DMD: variants seen among roughly 807,000 people sequenced by gnomAD.
DMD encodes the protein mutant dystrophin.
DMD carries 63 observed loss-of-function variants against 330.1 expected under a neutral mutation model. The ratio of observed to expected loss-of-function variants is 0.19; its 90% CI spans 0.16 to 0.24. DMD has a LOEUF of 0.24. DMD is among the 10% of genes least tolerant of loss of function. The probability of loss-of-function intolerance (pLI) is 1.00; values close to 1 mark genes in which losing one functional copy is unlikely to be tolerated. For missense variants in DMD, 3,344 were observed against 2,684.1 expected, an observed-to-expected ratio of 1.25 and a Z score of -5.43; for synonymous variants, 1,223 against 959.8, an observed-to-expected ratio of 1.27 and a Z score of -5.07.
chrX:32,975,348 T>G (rs1187446160), intron 2 of DMD, among the ~76,000 whole-genome samples: 1 of 73,521 alleles, frequency 1.4e-5, no homozygotes, highest in Non-Finnish European at 2.2e-5. Flanking sequence ...AAAAAATGCT[T>G]TTTTTTTTTT....
intron 7 of DMD, among the ~76,000 whole-genome samples, chrX:32,791,657 C>G (rs1044092313): frequency 5.4e-5 from 6 of 111,832 alleles, no homozygotes; most frequent in African/African-American, 2.0e-4. Context: ...AACATGAAAA[C>G]AGGTCTTTTA....
intron 7 of DMD, among the ~76,000 whole-genome samples, chrX:32,754,100 A>T (rs747232329): frequency 3.6e-5 from 4 of 111,963 alleles, no homozygotes; most frequent in African/African-American, 1.3e-4. Flanking sequence ...AACCTGTGGT[A>T]GCTTACTAAT....
intron 2 of DMD, among the ~76,000 whole-genome samples, chrX:32,998,848 A>G (rs139148553): frequency 0.012 from 1,322 of 111,842 alleles, 25 homozygotes; most frequent in African/African-American, 0.041. Flanking sequence ...TTATTCTAAC[A>G]TTCATATTTC....
chrX:32,007,619 A>T (rs2095672240), intron 44 of DMD, among the ~76,000 whole-genome samples: 1 of 111,279 alleles, frequency 9.0e-6, no homozygotes. Flanking sequence ...GGATGCTAAA[A>T]GCTGGTAGGC....
intron 1 of DMD, among the ~76,000 whole-genome samples, chrX:33,060,169 AG>A (rs1204339646): frequency 9.0e-6 from 1 of 111,340 alleles, no homozygotes; most frequent in Non-Finnish European, 1.9e-5. Flanking sequence ...ATTTGAATAC[AG>A]CACAGGCAAA....
At chrX:32,558,803 TAC>T (rs1164201613) in intron 16 of DMD, among the ~76,000 whole-genome samples, 1 of 111,305 alleles carries the variant, frequency 9.0e-6, no homozygotes, top group Non-Finnish European at 1.9e-5. Flanking sequence ...TTTATATTGT[TAC>T]AGACAATGCA....
At chrX:31,270,460 G>A (rs774079162) in intron 62 of DMD, among the ~76,000 whole-genome samples, 1 of 111,869 alleles carries the variant, frequency 8.9e-6, no homozygotes, top group African/African-American at 3.2e-5. Flanking sequence ...TCCTCTGTAG[G>A]CCCACAAAGA....
chrX:33,230,695 A>G (rs1046715111), intron 1 of DMD, among the ~76,000 whole-genome samples: 1 of 110,800 alleles, frequency 9.0e-6, no homozygotes, highest in Non-Finnish European at 1.9e-5. Flanking sequence ...AGGAAATCCA[A>G]CTTTTCTTGC....
In DMD at chrX:31,163,707, C is replaced by T. The variant is rs189386483; in HGVS notation, c.10553+5736G>A. Among the ~76,000 whole-genome samples, 132 of 111,434 alleles carry T rather than the reference C, an allele frequency of 1.2e-3. 2 individuals are homozygous for T. The highest frequency in any genetic ancestry group is 1.8e-3 in the Non-Finnish European group (96 of 53,042). On this transcript the variant is annotated intron_variant, in intron 74 of 78. Transcript: ENST00000357033. ...CAGTCCTTCCTCTCATTCAAGGTCA[C>T]GCCTCCTCCCATACTTTAGTTCCCT...
chrX:32,097,381 G>T (rs1039147985), intron 44 of DMD, among the ~76,000 whole-genome samples: 12 of 111,194 alleles, frequency 1.1e-4, no homozygotes, highest in African/African-American at 3.3e-4. Flanking sequence ...TTAGTTTGCT[G>T]AGGATGATGG....
chrX:32,834,647 A>G (rs1021399901), intron 4 of DMD, among the ~76,000 whole-genome samples: 2 of 111,632 alleles, frequency 1.8e-5, no homozygotes, highest in African/African-American at 6.5e-5. Context: ...GATTTAATGT[A>G]TAGCAATGAC....
At chrX:31,216,286 C>T (rs192396472) in intron 64 of DMD, among the ~76,000 whole-genome samples, 18 of 112,338 alleles carry the variant, frequency 1.6e-4, no homozygotes, top group South Asian at 3.7e-4. Flanking sequence ...ACGGAACCTA[C>T]GAGGTGTTCT....
intron 27 of DMD, among the ~76,000 whole-genome samples, chrX:32,448,048 C>T (rs1444717342): frequency 9.1e-6 from 1 of 110,244 alleles, no homozygotes; most frequent in Admixed American, 9.7e-5. Flanking sequence ...GAATGCTTTT[C>T]CCCAAAGATA....
At chrX:32,869,123 G>A (rs1488429057) in intron 2 of DMD, among the ~76,000 whole-genome samples, 1 of 111,143 alleles carries the variant, frequency 9.0e-6, no homozygotes, top group Non-Finnish European at 1.9e-5. Context: ...CAGGTGAATG[G>A]GGTCTGGAGC....
At chrX:31,660,454 A>G (rs2081060687) in intron 53 of DMD, among the ~76,000 whole-genome samples, 1 of 112,202 alleles carries the variant, frequency 8.9e-6, no homozygotes, top group Non-Finnish European at 1.9e-5. Flanking sequence ...CCAAGATACG[A>G]AAGAACATGT....
At chrX:32,795,408 G>C (rs2076112540) in intron 7 of DMD, among the ~76,000 whole-genome samples, 1 of 112,150 alleles carries the variant, frequency 8.9e-6, no homozygotes, top group Non-Finnish European at 1.9e-5. Flanking sequence ...GAATTGGATT[G>C]TCAGATGCAG....
At chrX:32,464,806 A>T in intron 23 of DMD, 107 bp from the exon 24 acceptor site, 1 of 595,126 alleles carries the variant, frequency 1.7e-6, no homozygotes, top group South Asian at 2.4e-5. Flanking sequence ...TCCCATGTTT[A>T]AAGGATGTCT....
At chrX:31,441,915 C>T (rs2064984180) in intron 60 of DMD, among the ~76,000 whole-genome samples, 2 of 111,797 alleles carry the variant, frequency 1.8e-5, no homozygotes, top group Admixed American at 9.5e-5. Context: ...ATATGCAAAC[C>T]AAAACCTTGG....
At chrX:31,989,991 G>A (rs1022774065) in intron 44 of DMD, among the ~76,000 whole-genome samples, 2 of 110,821 alleles carry the variant, frequency 1.8e-5, no homozygotes, top group Non-Finnish European at 3.8e-5. Flanking sequence ...TGCCTAATTC[G>A]TGTTGGAAAT....
Sources: gnomAD v4.1 joint callset for allele counts (sites outside exome capture counted in the v4.1 genomes callset) on GRCh38, gnomAD v4.1.1 for gene constraint, MANE v1.5 for transcripts, NCBI Gene and HGNC (gene_info 2026-07-23, HGNC 2026-07-21) for gene names.